The following PRKN variants were observed in gnomAD, a reference collection of about 807,000 sequenced individuals.
PRKN encodes the protein E3 ubiquitin-protein ligase parkin.
In PRKN, 56 loss-of-function variants were observed where a neutral mutation model predicts 59.5. That is an observed-to-expected ratio of 0.94 (90% confidence interval 0.76 to 1.18). The LOEUF (loss-of-function observed/expected upper bound fraction) is 1.18, where lower values mean the gene tolerates loss of function less well. Ranked by LOEUF, PRKN falls within the 50% of genes most tolerant of loss-of-function variation. The pLI is 0.00. For missense variants in PRKN, 657 were observed against 596.4 expected, an observed-to-expected ratio of 1.10 and a Z score of -1.06; for synonymous variants, 250 against 222.1, an observed-to-expected ratio of 1.13 and a Z score of -1.12.
intron 1 of PRKN, among the ~76,000 whole-genome samples, chr6:162,706,694 G>A (rs1778351991): frequency 6.6e-6 from 1 of 152,078 alleles, no homozygotes; most frequent in Non-Finnish European, 1.5e-5. Flanking sequence ...AAGATTAAGT[G>A]GTATAAATAT....
chr6:162,340,147 TAA>T (rs11355851), intron 2 of PRKN, among the ~76,000 whole-genome samples: 1 of 144,542 alleles, frequency 6.9e-6, no homozygotes, highest in African/African-American at 2.5e-5. Flanking sequence ...AAAAATAAAT[TAA>T]AAAAAAAAAA....
chr6:161,558,964 G>T (rs897830689), intron 8 of PRKN, among the ~76,000 whole-genome samples: 2 of 144,962 alleles, frequency 1.4e-5, no homozygotes, highest in Non-Finnish European at 1.5e-5. Flanking sequence ...ATTGGCTAGA[G>T]AAAGGGCTGG....
At chr6:162,597,395 T>C (rs1217484179) in intron 1 of PRKN, among the ~76,000 whole-genome samples, 3 of 152,188 alleles carry the variant, frequency 2.0e-5, no homozygotes, top group Non-Finnish European at 4.4e-5. Flanking sequence ...AAAATGAACA[T>C]TGAAAATGGC....
At chr6:162,219,281 G>C (rs1777832987) in intron 3 of PRKN, among the ~76,000 whole-genome samples, 1 of 152,180 alleles carries the variant, frequency 6.6e-6, no homozygotes, top group South Asian at 2.1e-4. Flanking sequence ...GAACGCAGTG[G>C]ATTCAGAGAT....
chr6:162,297,376 G>C (rs1200034082), intron 2 of PRKN, among the ~76,000 whole-genome samples: 1 of 151,966 alleles, frequency 6.6e-6, no homozygotes, highest in Non-Finnish European at 1.5e-5. Context: ...ATCTGCACAA[G>C]GGTATCCATC....
At chr6:162,603,371 G>T (rs1459340758) in intron 1 of PRKN, among the ~76,000 whole-genome samples, 2 of 152,138 alleles carry the variant, frequency 1.3e-5, no homozygotes, top group African/African-American at 4.8e-5. Context: ...TAAGCCAGAG[G>T]TTGGCAAACT....
rs1021790512 is a variant in PRKN, at chr6:161,471,441, A to G, written c.1083+77413T>C. 1.1e-4 allele frequency among the ~76,000 whole-genome samples: 17 copies of G among 152,188 alleles called. No individual in the cohort carries two copies. The highest frequency in any genetic ancestry group is 4.1e-4 in the African/African-American group (17 of 41,434). On this transcript the variant is annotated intron_variant, in intron 9 of 11. Coordinates refer to ENST00000366898, the MANE Select transcript of PRKN (RefSeq NM_004562.3). The surrounding 1 kb of genome is among the most constrained non-coding windows in gnomAD (Gnocchi z 4.5). ...ATGTCAGCATTAGACTAGGATGAAA[A>G]ACCAAACTAAACCAAACCAAATCAA...
In PRKN at chr6:161,925,042, T is replaced by C. The variant is rs926778505; in HGVS notation, c.734+48260A>G. Among the ~76,000 whole-genome samples, 3 of 152,174 alleles carry C rather than the reference T, an allele frequency of 2.0e-5. No homozygotes were observed. In the East Asian group the frequency reaches 5.8e-4, roughly 29 times the overall value. On this transcript the variant is annotated intron_variant, in intron 6 of 11. Transcript: ENST00000366898. ...AAAAAAATATTGTTGTTGTTGTTTT[T>C]TGGTGAATCCAGAGGAAGGAAACAT... is the stretch of plus-strand genomic sequence containing the variant.
chr6:162,653,719 T>C (rs1211223315), intron 1 of PRKN, among the ~76,000 whole-genome samples: 1 of 152,156 alleles, frequency 6.6e-6, no homozygotes, highest in African/African-American at 2.4e-5. Context: ...AGTGCTACTG[T>C]GAGAATAGCA....
intron 6 of PRKN, among the ~76,000 whole-genome samples, chr6:161,966,862 C>T (rs1034177061): frequency 3.9e-5 from 6 of 152,200 alleles, no homozygotes; most frequent in African/African-American, 1.2e-4. Flanking sequence ...GACGGAGTCT[C>T]GCTTTGTTGC....
At chr6:162,094,236 G>C (rs1779633238) in intron 4 of PRKN, among the ~76,000 whole-genome samples, 1 of 152,110 alleles carries the variant, frequency 6.6e-6, no homozygotes, top group Non-Finnish European at 1.5e-5. Context: ...ATGCCTATAA[G>C]TCCAACACGT....
chr6:161,432,970 TA>T (rs1230006530), intron 9 of PRKN, among the ~76,000 whole-genome samples: 2 of 152,154 alleles, frequency 1.3e-5, no homozygotes, highest in African/African-American at 2.4e-5. Context: ...GGCATACTTC[TA>T]AAAAACTGAA....
Position 161,463,251 on chromosome 6 carries a change from G to A in PRKN, c.1084-76374C>T, listed in dbSNP as rs891045985. Among the ~76,000 whole-genome samples, 8 of 152,214 alleles carry A rather than the reference G, an allele frequency of 5.3e-5. No individual in the cohort carries two copies. The highest frequency in any genetic ancestry group is 2.9e-5 in the Non-Finnish European group (2 of 68,010). ...TGCCAGGTCAGCTTCACTGTCAGCTGGTGCCTCTCCTGACCCCTCCTCCCT... is the reference window on the plus strand; with the variant it reads ...TGCCAGGTCAGCTTCACTGTCAGCTAGTGCCTCTCCTGACCCCTCCTCCCT... On this transcript the variant is annotated intron_variant, in intron 9 of 11. Transcript: ENST00000366898. The surrounding 1 kb of genome is among the most constrained non-coding windows in gnomAD (Gnocchi z 4.8).
chr6:161,360,604 G>C lies in PRKN; in HGVS notation c.1168-399C>G, dbSNP rs996381293. Among the ~76,000 whole-genome samples, 1 of 152,208 alleles carries C rather than the reference G, an allele frequency of 6.6e-6. No homozygotes were observed. The highest frequency in any genetic ancestry group is 6.5e-5 in the Admixed American group (1 of 15,276). ...TTATTCCACATTGAGGATTCGATGG[G>C]TGAAAACATGGCCCAAAGCTGGTAA... is the stretch of plus-strand genomic sequence containing the variant. On this transcript the variant is annotated intron_variant, in intron 10 of 11. Transcript: ENST00000366898. This position sits in a 1 kb window ranked among gnomAD's most constrained non-coding sequence, Gnocchi z 5.1.
intron 1 of PRKN, among the ~76,000 whole-genome samples, chr6:162,682,982 C>G (rs926216193): frequency 6.6e-6 from 1 of 152,076 alleles, no homozygotes; most frequent in African/African-American, 2.4e-5. Flanking sequence ...TGAGAATATT[C>G]AGTATCACTA....
chr6:161,887,610 A>T (rs1473149919), intron 6 of PRKN, among the ~76,000 whole-genome samples: 1 of 146,934 alleles, frequency 6.8e-6, no homozygotes, highest in Non-Finnish European at 1.5e-5. Flanking sequence ...GTCACCACTT[A>T]TATTATTCCT....
intron 6 of PRKN, among the ~76,000 whole-genome samples, chr6:161,886,484 G>T (rs1306860595): frequency 6.6e-6 from 1 of 152,060 alleles, no homozygotes; most frequent in Non-Finnish European, 1.5e-5. Context: ...ATCATCTGAG[G>T]TCAGGAGTTT....
intron 2 of PRKN, among the ~76,000 whole-genome samples, chr6:162,416,447 T>C (rs1040983489): frequency 1.3e-5 from 2 of 152,234 alleles, no homozygotes; most frequent in Non-Finnish European, 2.9e-5. Context: ...GGAGGTAGGA[T>C]GGAAGCAAAG....
At chr6:162,304,608 A>C (rs904091411) in intron 2 of PRKN, among the ~76,000 whole-genome samples, 1 of 150,228 alleles carries the variant, frequency 6.7e-6, no homozygotes, top group Non-Finnish European at 1.5e-5. Context: ...TACTTCCCCC[A>C]CACTTATATA....
Sources: gnomAD v4.1 joint callset for allele counts (sites outside exome capture counted in the v4.1 genomes callset) on GRCh38, gnomAD v4.1.1 for gene constraint, Gnocchi (gnomAD v3.1) non-coding constraint, MANE v1.5 for transcripts, NCBI Gene and HGNC (gene_info 2026-07-23, HGNC 2026-07-21) for gene names.